The following ANGPT1 variants were observed in gnomAD, a reference collection of about 807,000 sequenced individuals.
The protein encoded by ANGPT1 is angiopoietin 1.
ANGPT1 carries 17 observed loss-of-function variants against 62.2 expected under a neutral mutation model. The ratio of observed to expected loss-of-function variants is 0.27; its 90% CI spans 0.19 to 0.41. The LOEUF (loss-of-function observed/expected upper bound fraction) is 0.41. Among genes scored for constraint, ANGPT1 ranks in the 10% least tolerant of loss-of-function variants. ANGPT1 has a pLI of 1.00. For synonymous variants in ANGPT1, 199 were observed against 198.9 expected (o/e 1.00, Z 0.00); for missense variants, 478 against 594.9 (o/e 0.80, Z 2.04).
At chr8:107,407,462 G>T (rs1243515245) in intron 1 of ANGPT1, among the ~76,000 whole-genome samples, 1 of 152,052 alleles carries the variant, frequency 6.6e-6, no homozygotes, top group Non-Finnish European at 1.5e-5. Context: ...CAATTTAAAA[G>T]CCTGTTTTCA....
chr8:107,323,210 C>A (rs143587788), intron 3 of ANGPT1, among the ~76,000 whole-genome samples: 2 of 152,262 alleles, frequency 1.3e-5, no homozygotes, highest in East Asian at 3.9e-4. Context: ...AGCCTACCAA[C>A]TGACTGGAAA....
intron 1 of ANGPT1, among the ~76,000 whole-genome samples, chr8:107,349,923 T>C (rs1815896884): frequency 6.6e-6 from 1 of 152,130 alleles, no homozygotes; most frequent in African/African-American, 2.4e-5. Flanking sequence ...CTTCCCAGTG[T>C]AATTCTTATT....
At chr8:107,469,460 T>G (rs1812288808) in intron 1 of ANGPT1, among the ~76,000 whole-genome samples, 1 of 151,974 alleles carries the variant, frequency 6.6e-6, no homozygotes, top group Admixed American at 6.6e-5. Flanking sequence ...CAATAAATAT[T>G]CAGTGAATGA....
chr8:107,262,191 T>G (rs1207781628), intron 8 of ANGPT1, among the ~76,000 whole-genome samples: 1 of 152,104 alleles, frequency 6.6e-6, no homozygotes, highest in East Asian at 1.9e-4. Flanking sequence ...TGAGACTTGG[T>G]CTCAAAAAAA....
intron 1 of ANGPT1, among the ~76,000 whole-genome samples, chr8:107,348,295 A>C (rs2445357): frequency 0.23 from 34,838 of 152,140 alleles, 4,913 homozygotes; most frequent in African/African-American, 0.38. Context: ...CATAATCCAT[A>C]GTAAAATTAT....
intron 8 of ANGPT1, among the ~76,000 whole-genome samples, chr8:107,256,190 TAAAA>T (rs1813352734): frequency 6.6e-6 from 1 of 152,120 alleles, no homozygotes; most frequent in Non-Finnish European, 1.5e-5. Context: ...GAAAATGAAA[TAAAA>T]GAGCAATTAT....
intron 3 of ANGPT1, among the ~76,000 whole-genome samples, chr8:107,332,190 A>ACTG (rs1815438645): frequency 6.6e-6 from 1 of 152,152 alleles, no homozygotes; most frequent in Non-Finnish European, 1.5e-5. Context: ...TTTGTGTCCT[A>ACTG]CTTTGTGTTC....
intron 1 of ANGPT1, among the ~76,000 whole-genome samples, chr8:107,361,521 ATG>A: frequency 3.6e-5 from 1 of 27,884 alleles, no homozygotes; most frequent in South Asian, 1.2e-3. Context: ...TATAGAATAT[ATG>A]TATATATTAT....
At chr8:107,349,909 A>G (rs534336456) in intron 1 of ANGPT1, among the ~76,000 whole-genome samples, 1 of 152,282 alleles carries the variant, frequency 6.6e-6, no homozygotes, top group Admixed American at 6.5e-5. Flanking sequence ...TATATTTTAT[A>G]AAGCTTCCCA....
intron 1 of ANGPT1, among the ~76,000 whole-genome samples, chr8:107,359,875 T>C (rs563865618): frequency 6.6e-6 from 1 of 152,290 alleles, no homozygotes; most frequent in African/African-American, 2.4e-5. Context: ...TTCTCCTTTC[T>C]TTAGAAAATG....
intron 1 of ANGPT1, among the ~76,000 whole-genome samples, chr8:107,396,661 C>T (rs1816942673): frequency 6.6e-6 from 1 of 151,606 alleles, no homozygotes; most frequent in Non-Finnish European, 1.5e-5. Flanking sequence ...GCTGGGTCTA[C>T]AGGCCAGTGT....
chr8:107,259,411 T>C (rs1813442367), intron 8 of ANGPT1, among the ~76,000 whole-genome samples: 2 of 152,166 alleles, frequency 1.3e-5, no homozygotes, highest in Admixed American at 1.3e-4. Flanking sequence ...AAGTTCTAGA[T>C]GTACTAAGAA....
chr8:107,377,847 C>T (rs561678488), intron 1 of ANGPT1, among the ~76,000 whole-genome samples: 1 of 151,982 alleles, frequency 6.6e-6, no homozygotes, highest in South Asian at 2.1e-4. Context: ...AAAGATGGCC[C>T]AAAGATTAAT....
intron 1 of ANGPT1, among the ~76,000 whole-genome samples, chr8:107,432,694 A>T (rs1416306673): frequency 6.6e-6 from 1 of 152,054 alleles, no homozygotes; most frequent in Non-Finnish European, 1.5e-5. Context: ...CTCAATGAAC[A>T]GGTGTTTAAC....
chr8:107,294,606 T>A (rs1276985356), intron 5 of ANGPT1: 1 of 152,226 alleles, frequency 6.6e-6, no homozygotes, highest in Admixed American at 6.5e-5. Context: ...GCATAGCATA[T>A]GTAGAATATA....
At chr8:107,303,100 A>C in intron 5 of ANGPT1, 140 bp downstream of exon 5, 1 of 932,546 alleles carries the variant, frequency 1.1e-6, no homozygotes, top group Non-Finnish European at 1.6e-6. Context: ...GGACCTGGGA[A>C]ACAGAGTATC....
intron 4 of ANGPT1, among the ~76,000 whole-genome samples, chr8:107,306,134 G>A (rs1168744746): frequency 6.6e-6 from 1 of 152,052 alleles, no homozygotes. Flanking sequence ...ACTGTTAACA[G>A]CAATATTATC....
rs79189243 is a variant in ANGPT1, at chr8:107,318,293, G to A, written c.808+3603C>T. Among the ~76,000 whole-genome samples the A allele has an allele frequency of 8.5e-4, 129 of 152,272 alleles. 1 individual carries two copies. Among genetic ancestry groups the A allele is most frequent in the African/African-American group, 3.0e-3 (123 of 41,548 alleles). ...ATTAGGAATAAGAAGAGGAAAGTTT[G>A]GTGAATTATTTCAGATAATGTGTTT... On this transcript the variant is annotated intron_variant, in intron 4 of 8. Coordinates refer to ENST00000517746, the MANE Select transcript of ANGPT1 (RefSeq NM_001146.5).
intron 1 of ANGPT1, among the ~76,000 whole-genome samples, chr8:107,444,339 T>C (rs1811557930): frequency 6.6e-6 from 1 of 152,178 alleles, no homozygotes. Context: ...ACACAATTTA[T>C]GAGGAAAAAG....
Sources: allele counts gnomAD v4.1 joint callset (sites outside exome capture counted in the v4.1 genomes callset), GRCh38; gene constraint gnomAD v4.1.1; transcripts MANE v1.5; gene names NCBI Gene and HGNC (gene_info 2026-07-23, HGNC 2026-07-21).